The following ZNF532 variants were observed in gnomAD, a reference collection of about 807,000 sequenced individuals.
ZNF532 encodes the protein zinc finger protein 532.
A neutral mutation model predicts 89.3 loss-of-function variants in ZNF532; 22 were observed. The observed-to-expected ratio is 0.25, with a 90% CI of 0.18 to 0.35. The LOEUF is 0.35. Ranked by LOEUF, ZNF532 falls within the 10% of genes least tolerant of loss-of-function variation. ZNF532 has a pLI of 1.00. For synonymous variants in ZNF532, 606 were observed against 649.6 expected, an observed-to-expected ratio of 0.93 and a Z score of 1.02; for missense variants, 1,132 against 1,643.4, an observed-to-expected ratio of 0.69 and a Z score of 5.38.
intron 2 of ZNF532, among the ~76,000 whole-genome samples, chr18:58,905,403 CTT>C (rs11376624): frequency 1.9e-4 from 26 of 139,282 alleles, no homozygotes; most frequent in Non-Finnish European, 2.5e-4. Context: ...TTTTTTCTTT[CTT>C]TTTTTTTTTT....
chr18:58,943,304 C>T (rs1048839537), intron 5 of ZNF532, among the ~76,000 whole-genome samples: 3 of 151,398 alleles, frequency 2.0e-5, no homozygotes, highest in Admixed American at 2.0e-4. Context: ...GGACTACAGG[C>T]GCCCACCATC....
intron 7 of ZNF532, among the ~76,000 whole-genome samples, chr18:58,963,166 A>AT (rs1220859281): frequency 4.6e-5 from 7 of 152,172 alleles, no homozygotes; most frequent in African/African-American, 1.7e-4. Context: ...TGGATGTTGG[A>AT]TTTACAGCAT....
chr18:58,880,766 G>A (rs1010625787), intron 2 of ZNF532, among the ~76,000 whole-genome samples: 7 of 144,708 alleles, frequency 4.8e-5, no homozygotes, highest in African/African-American at 1.1e-4. Flanking sequence ...GCGCGCACGC[G>A]CGCGCGTCTG....
chr18:58,973,068 C>T (rs1329547427), intron 7 of ZNF532, among the ~76,000 whole-genome samples: 1 of 152,174 alleles, frequency 6.6e-6, no homozygotes, highest in East Asian at 1.9e-4. Flanking sequence ...AAGAGGCTTA[C>T]TGTAAGTTGG....
rs561155464 is a variant in ZNF532 at position 58,878,998 on chromosome 18, G to A, written c.-18+13419G>A. Among the ~76,000 whole-genome samples, 7 of 152,322 alleles carry A rather than the reference G, an allele frequency of 4.6e-5. No individual in the cohort carries two copies. The South Asian group carries it at 1.5e-3, about 32-fold the overall frequency. On this transcript the variant is annotated intron_variant, in intron 2 of 9. Coordinates refer to ENST00000591808, the MANE Select transcript of ZNF532 (RefSeq NM_001375912.1). ...TTTTAAATACTAGTGGACATCACCT[G>A]TAGTCCTCTGTCCTACTTGCAGTTC...
At chr18:58,913,552 A>G (rs2060411669) in intron 2 of ZNF532, among the ~76,000 whole-genome samples, 1 of 151,984 alleles carries the variant, frequency 6.6e-6, no homozygotes, top group Non-Finnish European at 1.5e-5. Context: ...GGAGTTCGAG[A>G]CCAGCTTGGA....
chr18:58,884,693 A>G (rs1049778348), intron 2 of ZNF532, among the ~76,000 whole-genome samples: 5 of 152,210 alleles, frequency 3.3e-5, no homozygotes, highest in African/African-American at 7.2e-5. Context: ...CAAACCAGGA[A>G]TCCCTTGTTA....
At chr18:58,884,549 T>C (rs1401528203) in intron 2 of ZNF532, among the ~76,000 whole-genome samples, 3 of 152,264 alleles carry the variant, frequency 2.0e-5, no homozygotes, top group Non-Finnish European at 4.4e-5. Flanking sequence ...TTATTCTTTT[T>C]CTATACTCAA....
At chr18:58,891,021 C>T (rs562746990) in intron 2 of ZNF532, among the ~76,000 whole-genome samples, 43 of 152,054 alleles carry the variant, frequency 2.8e-4, no homozygotes, top group African/African-American at 9.6e-4. Flanking sequence ...TGGGTTCAAG[C>T]GATTCTCCTG....
At chr18:58,934,758 G>T in intron 4 of ZNF532, 144 bp downstream of exon 4, 1 of 791,284 alleles carries the variant, frequency 1.3e-6, no homozygotes, top group South Asian at 1.8e-5. Flanking sequence ...CTCGTTTGTA[G>T]AGTCCATCTG....
At chr18:58,906,779 G>A (rs900679649) in intron 2 of ZNF532, among the ~76,000 whole-genome samples, 2 of 152,134 alleles carry the variant, frequency 1.3e-5, no homozygotes, top group Non-Finnish European at 2.9e-5. Context: ...AGAGAAATTG[G>A]CTGCTTCTTT....
intron 2 of ZNF532, among the ~76,000 whole-genome samples, chr18:58,866,489 A>G (rs540093826): frequency 1.3e-5 from 2 of 152,366 alleles, no homozygotes; most frequent in South Asian, 2.1e-4. Context: ...AATGGGATCC[A>G]GTGTGATCTC....
At chr18:58,938,260 A>T (rs538481497) in intron 4 of ZNF532, among the ~76,000 whole-genome samples, 39 of 152,270 alleles carry the variant, frequency 2.6e-4, no homozygotes, top group Middle Eastern at 3.4e-3. Context: ...AAATTTCTGG[A>T]GACTTTTGTA....
chr18:58,939,246 C>CAAAAAAAAAAAAAAAA (rs71336307), intron 4 of ZNF532, among the ~76,000 whole-genome samples, 199 bp from the exon 5 acceptor site: 50 of 34,506 alleles, frequency 1.4e-3, no homozygotes, highest in South Asian at 3.2e-3. Flanking sequence ...GACGTTGTCT[C>CAAAAAAAAAAAAAAAA]AAAAAAAAAA....
At chr18:58,878,158 G>A (rs1174514831) in intron 2 of ZNF532, among the ~76,000 whole-genome samples, 2 of 152,156 alleles carry the variant, frequency 1.3e-5, no homozygotes, top group African/African-American at 2.4e-5. Flanking sequence ...GGGAGGCTGA[G>A]TCAGGAGAAT....
upstream of ZNF532, chr18:58,864,685 TCTC>T (rs1383507584): frequency 2.0e-5 from 3 of 152,382 alleles, no homozygotes; most frequent in African/African-American, 4.8e-5. Context: ...ACGATGACCT[TCTC>T]CTCCTCAGGA....
At chr18:58,943,434 ACAGGCATAAGCCACCGCGCC>A (rs1423309237) in intron 5 of ZNF532, among the ~76,000 whole-genome samples, 3 of 148,766 alleles carry the variant, frequency 2.0e-5, no homozygotes, top group African/African-American at 7.5e-5. Flanking sequence ...TGCTGGGATT[ACAGGCATAAGCCACCGCGCC>A]CAGCCTTTTT....
At chr18:58,922,253 A>G (rs1418184979) in intron 3 of ZNF532, among the ~76,000 whole-genome samples, 1 of 152,202 alleles carries the variant, frequency 6.6e-6, no homozygotes, top group Non-Finnish European at 1.5e-5. Flanking sequence ...TTAATTAATT[A>G]GGATGTTTAT....
At chr18:58,930,751 T>C (rs559589283) in intron 3 of ZNF532, among the ~76,000 whole-genome samples, 111 of 152,306 alleles carry the variant, frequency 7.3e-4, no homozygotes, top group Admixed American at 1.8e-3. Flanking sequence ...GCATAGTATT[T>C]GCATATAACC....
Sources: gnomAD v4.1 joint callset for allele counts (sites outside exome capture counted in the v4.1 genomes callset) on GRCh38, gnomAD v4.1.1 for gene constraint, MANE v1.5 for transcripts, NCBI Gene and HGNC (gene_info 2026-07-23, HGNC 2026-07-21) for gene names.